Variants in PARD3 observed in about 807,000 individuals in gnomAD.
The protein encoded by PARD3 is par-3 family cell polarity regulator.
PARD3 carries 75 observed loss-of-function variants against 155.4 expected under a neutral mutation model. That is an observed-to-expected ratio of 0.48 (90% CI 0.40 to 0.58). The LOEUF (loss-of-function observed/expected upper bound fraction) is 0.58, where lower values mean the gene tolerates loss of function less well. PARD3 is among the 20% of genes least tolerant of loss of function. The pLI, the probability that PARD3 is intolerant of heterozygous loss-of-function variation, is 0.00. For missense variants in PARD3, 1,642 were observed against 1,721.7 expected, an observed-to-expected ratio of 0.95 and a Z score of 0.82; for synonymous variants, 576 against 610.5, an observed-to-expected ratio of 0.94 and a Z score of 0.83.
chr10:34,471,157 AAT>A (rs1232077623), intron 3 of PARD3, among the ~76,000 whole-genome samples: 23 of 152,368 alleles, frequency 1.5e-4, no homozygotes, highest in Middle Eastern at 3.4e-3. Context: ...TACTCAAAGT[AAT>A]ATGTTAATCT....
In PARD3 at chr10:34,239,630, C is replaced by T. The variant is rs528569114; in HGVS notation, c.3419+30027G>A. 3.3e-5 allele frequency among the ~76,000 whole-genome samples: 5 copies of T among 152,070 alleles called. No individual in the cohort carries two copies. The South Asian group carries it at 1.0e-3, about 32-fold the overall frequency. On this transcript the variant is annotated intron_variant, in intron 22 of 24. Transcript: ENST00000374788. ...CAGCCTGACCAACCTGGTAAAACTT[C>T]ATCTCTGCTAAAAATACAAAAAAGT...
intron 2 of PARD3, among the ~76,000 whole-genome samples, chr10:34,681,405 G>A (rs564692988): frequency 2.0e-5 from 3 of 152,066 alleles, no homozygotes; most frequent in South Asian, 4.2e-4. Context: ...TCTTTGGGGA[G>A]GGAGAGAAAG....
At chr10:34,528,195 G>A (rs1370703400) in intron 2 of PARD3, among the ~76,000 whole-genome samples, 1 of 152,152 alleles carries the variant, frequency 6.6e-6, no homozygotes, top group Non-Finnish European at 1.5e-5. Context: ...GAAATTTAAT[G>A]CCAATCTTCT....
At chr10:34,504,395 T>C (rs1185166446) in intron 3 of PARD3, among the ~76,000 whole-genome samples, 1 of 148,622 alleles carries the variant, frequency 6.7e-6, no homozygotes, top group Non-Finnish European at 1.5e-5. Context: ...AGTGCTGAGA[T>C]TACAGGCTGA....
chr10:34,206,015 G>A (rs1242782829), intron 22 of PARD3, among the ~76,000 whole-genome samples: 1 of 152,150 alleles, frequency 6.6e-6, no homozygotes, highest in African/African-American at 2.4e-5. Context: ...CTACTAGATC[G>A]AGGTCTTGTC....
At chr10:34,286,232 G>C (rs943159073) in intron 20 of PARD3, among the ~76,000 whole-genome samples, 1 of 152,146 alleles carries the variant, frequency 6.6e-6, no homozygotes, top group African/African-American at 2.4e-5. Flanking sequence ...TCATTCATCA[G>C]ACAAAAATGT....
At chr10:34,425,071 T>A (rs1201301874) in intron 5 of PARD3, among the ~76,000 whole-genome samples, 2 of 152,124 alleles carry the variant, frequency 1.3e-5, no homozygotes, top group Non-Finnish European at 2.9e-5. Flanking sequence ...TACATCTTAA[T>A]CATGACCAAG....
chr10:34,199,073 T>G (rs1951088077), intron 22 of PARD3, among the ~76,000 whole-genome samples: 1 of 152,056 alleles, frequency 6.6e-6, no homozygotes, highest in South Asian at 2.1e-4. Context: ...AATTAAGAAG[T>G]GGACATTACA....
chr10:34,264,782 T>C (rs957310007), intron 22 of PARD3, among the ~76,000 whole-genome samples: 1 of 151,626 alleles, frequency 6.6e-6, no homozygotes, highest in Non-Finnish European at 1.5e-5. Context: ...CAGAATCTTA[T>C]TCTGTTGCCC....
chr10:34,157,749 G>A (rs1346614430), intron 22 of PARD3, among the ~76,000 whole-genome samples: 1 of 152,078 alleles, frequency 6.6e-6, no homozygotes. Flanking sequence ...CCCAAATGAA[G>A]CACTTGTTTT....
At chr10:34,743,333 T>C (rs909066596) in intron 1 of PARD3, among the ~76,000 whole-genome samples, 6 of 152,218 alleles carry the variant, frequency 3.9e-5, no homozygotes, top group Admixed American at 2.0e-4. Flanking sequence ...TCCCAACCAA[T>C]GACCCAACAC....
At chr10:34,125,071 C>CTTTTTTTTT (rs71523316) in intron 23 of PARD3, among the ~76,000 whole-genome samples, 1 of 140,636 alleles carries the variant, frequency 7.1e-6, no homozygotes, top group African/African-American at 2.8e-5. Flanking sequence ...CTATTTCTTT[C>CTTTTTTTTT]TTTTTTTTTT....
At chr10:34,590,973 T>A (rs565639540) in intron 2 of PARD3, among the ~76,000 whole-genome samples, 1 of 152,260 alleles carries the variant, frequency 6.6e-6, no homozygotes, top group East Asian at 1.9e-4. Flanking sequence ...ACCAACCCCA[T>A]TGACACCTTG....
chr10:34,183,896 G>A (rs981619924), intron 22 of PARD3, among the ~76,000 whole-genome samples: 4 of 152,168 alleles, frequency 2.6e-5, no homozygotes, highest in Non-Finnish European at 5.9e-5. Flanking sequence ...AGAACCCTGG[G>A]GTTCCTCCAG....
chr10:34,118,575 G>A (rs1227913011), intron 24 of PARD3, among the ~76,000 whole-genome samples: 1 of 151,980 alleles, frequency 6.6e-6, no homozygotes, highest in Non-Finnish European at 1.5e-5. Flanking sequence ...CGAACTCCTG[G>A]GCTCAAATGA....
At chr10:34,586,068 C>T (rs1406124875) in intron 2 of PARD3, among the ~76,000 whole-genome samples, 1 of 151,572 alleles carries the variant, frequency 6.6e-6, no homozygotes, top group Non-Finnish European at 1.5e-5. Context: ...ATTCAAATAT[C>T]CATGAGAAAA....
chr10:34,579,676 G>A (rs2087254110), intron 2 of PARD3, among the ~76,000 whole-genome samples: 1 of 150,908 alleles, frequency 6.6e-6, no homozygotes, highest in South Asian at 2.1e-4. Context: ...CGCCTCCCAG[G>A]TTCAAGCAAT....
intron 9 of PARD3, among the ~76,000 whole-genome samples, chr10:34,381,558 G>A (rs1283101316): frequency 6.6e-6 from 1 of 152,088 alleles, no homozygotes; most frequent in Non-Finnish European, 1.5e-5. Context: ...CTGTATACAG[G>A]AAGGGTACTA....
At chr10:34,716,746 C>T (rs1204997366) in intron 1 of PARD3, among the ~76,000 whole-genome samples, 5 of 151,960 alleles carry the variant, frequency 3.3e-5, no homozygotes, top group Admixed American at 2.0e-4. Context: ...GCATGCGCCA[C>T]CACCCCCGGC....
Sources: gnomAD v4.1 joint callset for allele counts (sites outside exome capture counted in the v4.1 genomes callset) on GRCh38, gnomAD v4.1.1 for gene constraint, MANE v1.5 for transcripts, NCBI Gene and HGNC (gene_info 2026-07-23, HGNC 2026-07-21) for gene names.